Variants in PRKN observed in about 807,000 individuals in gnomAD.
PRKN encodes the protein parkin RBR E3 ubiquitin protein ligase, also known as E3 ubiquitin-protein ligase parkin.
PRKN carries 56 observed loss-of-function variants against 59.5 expected under a neutral mutation model. That is an observed-to-expected ratio of 0.94 (90% CI 0.76 to 1.18). The LOEUF is 1.18. Ranked by LOEUF, PRKN falls within the 50% of genes most tolerant of loss-of-function variation. PRKN has a pLI of 0.00. For synonymous variants in PRKN, 250 were observed against 222.1 expected (o/e 1.13, Z -1.12); for missense variants, 657 against 596.4 (o/e 1.10, Z -1.06).
chr6:161,669,315 C>A (rs1372106381), intron 7 of PRKN, among the ~76,000 whole-genome samples: 2 of 152,294 alleles, frequency 1.3e-5, no homozygotes, highest in Non-Finnish European at 2.9e-5. Flanking sequence ...GACCAAGACA[C>A]CATCTTCACA....
At chr6:161,432,791 T>G (rs1419876816) in intron 9 of PRKN, among the ~76,000 whole-genome samples, 1 of 152,094 alleles carries the variant, frequency 6.6e-6, no homozygotes, top group Non-Finnish European at 1.5e-5. Flanking sequence ...TTAAAGCACA[T>G]GACAAAAATA....
intron 1 of PRKN, among the ~76,000 whole-genome samples, chr6:162,456,388 T>G (rs1309548855): frequency 6.6e-6 from 1 of 152,150 alleles, no homozygotes; most frequent in Non-Finnish European, 1.5e-5. Context: ...CAAATATATA[T>G]TTATATTTTT....
At chr6:162,233,440 G>A (rs1778509689) in intron 3 of PRKN, among the ~76,000 whole-genome samples, 1 of 152,150 alleles carries the variant, frequency 6.6e-6, no homozygotes. Flanking sequence ...CACTGATGCA[G>A]TGTCACAAAT....
chr6:161,511,206 C>A lies in PRKN; in HGVS notation c.1083+37648G>T, dbSNP rs115780485. Among the ~76,000 whole-genome samples the A allele has an allele frequency of 8.3e-3, 1,265 of 152,210 alleles. 20 individuals are homozygous for A. The highest frequency in any genetic ancestry group is 0.029 in the African/African-American group (1,206 of 41,536). ...CAAAACAATCACCTGAAGAGATTGGCCTATGAGGCTTAAATCACGGCACTG... is the reference window on the plus strand; with the variant it reads ...CAAAACAATCACCTGAAGAGATTGGACTATGAGGCTTAAATCACGGCACTG... On this transcript the variant is annotated intron_variant, in intron 9 of 11. Transcript: ENST00000366898.
chr6:161,984,010 T>A (rs1781344473), intron 5 of PRKN, among the ~76,000 whole-genome samples: 1 of 152,124 alleles, frequency 6.6e-6, no homozygotes, highest in Non-Finnish European at 1.5e-5. Flanking sequence ...TCAAGGTACT[T>A]GCTCCAATAA....
rs1465204043 is a variant in PRKN, at chr6:161,566,412, T to G, written c.933+2943A>C. On this transcript the variant is annotated intron_variant, in intron 8 of 11. Transcript: ENST00000366898. The surrounding 1 kb of genome is among the most constrained non-coding windows in gnomAD (Gnocchi z 4.1). ...TGGATTTTTTCCCACCTTATTATCA[T>G]TATTATTTTTCTGAGACAGAGTCTC... Among the ~76,000 whole-genome samples the G allele has an allele frequency of 6.6e-6, 1 of 152,130 alleles. No individual in the cohort carries two copies. The highest frequency in any genetic ancestry group is 1.5e-5 in the Non-Finnish European group (1 of 68,022).
chr6:162,517,946 T>C (rs1014340920), intron 1 of PRKN, among the ~76,000 whole-genome samples: 3 of 152,204 alleles, frequency 2.0e-5, no homozygotes, highest in African/African-American at 7.2e-5. Context: ...AACAGAGCCA[T>C]TTATTTATTA....
intron 1 of PRKN, among the ~76,000 whole-genome samples, chr6:162,669,331 C>T (rs1043020140): frequency 2.6e-5 from 4 of 152,002 alleles, no homozygotes; most frequent in African/African-American, 7.2e-5. Flanking sequence ...TAGTTGAAGA[C>T]ATTAAGTGTT....
chr6:162,414,987 C>T (rs370557848), intron 2 of PRKN, among the ~76,000 whole-genome samples: 1 of 152,080 alleles, frequency 6.6e-6, no homozygotes, highest in Admixed American at 6.6e-5. Context: ...ATTAAGATAT[C>T]TGATGCTAAG....
intron 5 of PRKN, among the ~76,000 whole-genome samples, chr6:162,006,747 C>G (rs1782271773): frequency 6.6e-6 from 1 of 152,134 alleles, no homozygotes; most frequent in Non-Finnish European, 1.5e-5. Flanking sequence ...CCTAAAGCAG[C>G]CTCCCACCCT....
chr6:161,517,739 CAAAAAAAA>C (rs3032892), intron 9 of PRKN, among the ~76,000 whole-genome samples: 31 of 48,390 alleles, frequency 6.4e-4, no homozygotes, highest in Non-Finnish European at 8.1e-4. Flanking sequence ...GACTCTATCT[CAAAAAAAA>C]AAAAAAAAAA....
chr6:161,583,402 A>G (rs1438795013), intron 7 of PRKN, among the ~76,000 whole-genome samples: 2 of 152,160 alleles, frequency 1.3e-5, no homozygotes, highest in African/African-American at 4.8e-5. Context: ...GCATCAAGGC[A>G]TATGTATTTT....
chr6:162,280,603 C>T (rs1780848420), intron 2 of PRKN, among the ~76,000 whole-genome samples: 1 of 151,806 alleles, frequency 6.6e-6, no homozygotes, highest in Non-Finnish European at 1.5e-5. Flanking sequence ...CCAGCCTGGC[C>T]AACATGGTGA....
intron 2 of PRKN, among the ~76,000 whole-genome samples, chr6:162,399,346 G>A (rs192336214): frequency 5.9e-5 from 9 of 152,222 alleles, no homozygotes; most frequent in Admixed American, 3.3e-4. Flanking sequence ...AGAGGAGGCA[G>A]GTGAAAATTA....
intron 3 of PRKN, among the ~76,000 whole-genome samples, chr6:162,243,862 A>G (rs940526143): frequency 6.6e-6 from 1 of 152,066 alleles, no homozygotes; most frequent in East Asian, 1.9e-4. Context: ...TTTCCTTCCA[A>G]TCATGAAGGA....
intron 7 of PRKN, among the ~76,000 whole-genome samples, chr6:161,776,286 A>G (rs1789921290): frequency 6.6e-6 from 1 of 152,228 alleles, no homozygotes; most frequent in Admixed American, 6.5e-5. Flanking sequence ...AATTCCGAGC[A>G]TAGACTACTA....
chr6:161,912,656 C>T (rs1262432037), intron 6 of PRKN, among the ~76,000 whole-genome samples: 1 of 151,976 alleles, frequency 6.6e-6, no homozygotes, highest in Admixed American at 6.6e-5. Flanking sequence ...ACCCAGCTGA[C>T]CCAAGAACTG....
At chr6:162,333,816 C>T (rs1783705951) in intron 2 of PRKN, among the ~76,000 whole-genome samples, 1 of 152,210 alleles carries the variant, frequency 6.6e-6, no homozygotes, top group Admixed American at 6.5e-5. Context: ...AAAGCCAAGA[C>T]AGGCTTTGCA....
chr6:162,413,235 A>C (rs1168320207), intron 2 of PRKN, among the ~76,000 whole-genome samples: 1 of 152,086 alleles, frequency 6.6e-6, no homozygotes, highest in Non-Finnish European at 1.5e-5. Context: ...TGTTTTTCTC[A>C]GTCCTTAATA....
Sources: allele counts gnomAD v4.1 joint callset (sites outside exome capture counted in the v4.1 genomes callset), GRCh38; gene constraint gnomAD v4.1.1; non-coding constraint Gnocchi (gnomAD v3.1); transcripts MANE v1.5; gene names NCBI Gene and HGNC (gene_info 2026-07-23, HGNC 2026-07-21).